The following UAP1L1 variants were observed in gnomAD, a reference collection of about 807,000 sequenced individuals.
UAP1L1 encodes the protein UDP-N-acetylhexosamine pyrophosphorylase-like protein 1.
Under a neutral mutation model 45.3 loss-of-function variants are expected in UAP1L1, and 45 were observed. That is an observed-to-expected ratio of 0.99 (90% CI 0.78 to 1.27). The LOEUF (loss-of-function observed/expected upper bound fraction) is 1.27. Ranked by LOEUF, UAP1L1 falls within the 50% of genes most tolerant of loss-of-function variation. The probability of loss-of-function intolerance (pLI) is 0.00; values close to 1 mark genes in which losing one functional copy is unlikely to be tolerated. For missense variants in UAP1L1, 667 were observed against 694.0 expected (o/e 0.96, Z 0.44); for synonymous variants, 323 against 303.9 (o/e 1.06, Z -0.65).
At chr9:137,081,468 C>T (rs1251702276) in intron 7 of UAP1L1, among the ~76,000 whole-genome samples, 4 of 152,000 alleles carry the variant, frequency 2.6e-5, no homozygotes, top group Non-Finnish European at 5.9e-5. Context: ...GCCTCGGCCT[C>T]GCAAAGTGCT....
In UAP1L1 at chr9:137,082,746, C is replaced by A; in HGVS notation, c.*17C>A. On this transcript the variant is annotated 3_prime_UTR_variant, in exon 9 of 9. Transcript: ENST00000409858. This position sits in a 1 kb window ranked among gnomAD's most constrained non-coding sequence, Gnocchi z 5.7. ...GAGTCCTGACCCGCCCAGACTGTCC[C>A]CAGACTCCCCCGAGACCTGCCAGCC... 1 of 1,539,296 alleles carries A rather than the reference C, an allele frequency of 6.5e-7. No individual in the cohort carries two copies. The highest frequency in any genetic ancestry group is 2.2e-4 in the Middle Eastern group (1 of 4,590).
chr9:137,081,535 T>C (rs1393099328), intron 7 of UAP1L1, among the ~76,000 whole-genome samples: 2 of 152,110 alleles, frequency 1.3e-5, no homozygotes, highest in Non-Finnish European at 1.5e-5. Context: ...ATTTTTCTTA[T>C]TTGTATACAT....
chr9:137,080,406 G>A, intron 6 of UAP1L1: 1 of 591,784 alleles, frequency 1.7e-6, no homozygotes, highest in East Asian at 2.9e-5. Context: ...CCATGGTTAG[G>A]AGAGGTCTCC....
At position 137,082,964 on chromosome 9, in the gene UAP1L1, G is replaced by C. The variant is rs1832815557; in HGVS notation, c.*235G>C. Reference sequence around the variant, plus strand: ...TCTCCTGTCGCCTCTGGACACAAGTGGCGACAGCCTGCTGGGGGCTCTGTG... The same window carrying C: ...TCTCCTGTCGCCTCTGGACACAAGTCGCGACAGCCTGCTGGGGGCTCTGTG... On this transcript the variant is annotated 3_prime_UTR_variant, in exon 9 of 9. Transcript: ENST00000409858. The surrounding 1 kb of genome is among the most constrained non-coding windows in gnomAD (Gnocchi z 5.7). 7.7e-6 allele frequency: 4 copies of C among 517,050 alleles called. No homozygotes were observed. In the South Asian group the frequency reaches 9.3e-5, roughly 12 times the overall value. 32.0% of individuals were successfully genotyped at this position (517,050 alleles called of 1,614,324 possible). A position where few individuals can be genotyped will look rare whatever the true frequency, so the allele number is the denominator to read the frequency against.
rs1181746627 is a variant in UAP1L1 at position 137,080,867 on chromosome 9, C to T, written c.1357C>T (p.Leu453=). The T allele has an allele frequency of 9.4e-6, 15 of 1,595,068 alleles. No homozygotes were observed. The Admixed American group carries it at 1.0e-4, about 11-fold the overall frequency. The change falls in exon 7 of 9, where the codon CTG becomes TTG. Residue 453 remains leucine, a synonymous_variant. Coordinates refer to ENST00000409858, the MANE Select transcript of UAP1L1 (RefSeq NM_207309.3). ...TGCCCATGGGGCCTGGCTCCCAGAG[C>T]TGCCCAGGTGAGTGTGGCCCTGGGG... ...LDAHGAWLPE[L]PSLPPNGDPP...
Position 137,078,638 on chromosome 9 carries a change from G to A in UAP1L1, c.631G>A (p.Val211Ile). Residue 211 changes from valine (V) to isoleucine (I), a missense_variant, in exon 3 of 9, where the codon GTT becomes ATT. Val to Ile is a conservative substitution (Grantham distance 29). Coordinates refer to ENST00000409858, the MANE Select transcript of UAP1L1 (RefSeq NM_207309.3). ...GCCTGCTGTGACCTTTGATGGCAAG[G>A]TTATCCTGGAGCGGAAAGACAAAGT... ...LLPAVTFDGK[V>I]ILERKDKVAM... The A allele has an allele frequency of 6.2e-7, 1 of 1,612,970 alleles. No homozygotes were observed. Among genetic ancestry groups the A allele is most frequent in the Non-Finnish European group, 8.5e-7 (1 of 1,179,932 alleles).
Position 137,078,159 on chromosome 9 carries a change from C to T in UAP1L1, c.399C>T (p.Pro133=), listed in dbSNP as rs1389702143. ...YPKGMYRVGL[P]SRKTLYQLQA... is the part of the protein sequence containing the mutation. ...AGGGTATGTACCGTGTGGGGCTGCC[C>T]AGCCGGAAGACCCTGTACCAGCTGC... Residue 133 remains proline (P), a synonymous_variant, in exon 2 of 9, where the codon CCC becomes CCT. Coordinates refer to ENST00000409858, the MANE Select transcript of UAP1L1 (RefSeq NM_207309.3). 1.9e-6 allele frequency: 3 copies of T among 1,550,086 alleles called. No individual in the cohort carries two copies. In the East Asian group the frequency reaches 7.3e-5, roughly 38 times the overall value.
intron 1 of UAP1L1, 31 bp from the exon 2 acceptor site, chr9:137,078,019 G>C: frequency 1.3e-6 from 2 of 1,543,702 alleles, no homozygotes; most frequent in Non-Finnish European, 1.7e-6. Context: ...GGCGGGTCCC[G>C]GGCGTCCCTT....
In UAP1L1 at chr9:137,082,116, A is replaced by G. The variant is rs886459567; in HGVS notation, c.1431+52A>G. ...GCTTTTCTGGTGTCAGGTTTGGAAT[A>G]CCATCTGGGGAGAGGTGGCTGCTCG... On this transcript the variant is annotated intron_variant, in intron 8 of 8. Transcript: ENST00000409858. This position sits in a 1 kb window ranked among gnomAD's most constrained non-coding sequence, Gnocchi z 5.7. The G allele has an allele frequency of 5.1e-6, 8 of 1,579,780 alleles. No individual in the cohort carries two copies. The highest frequency in any genetic ancestry group is 7.0e-6 in the Non-Finnish European group (8 of 1,148,880).
rs1486893523 is a variant in UAP1L1, at chr9:137,078,684, C to G, written c.670+7C>G. 8 of 1,608,440 alleles carry G rather than the reference C, an allele frequency of 5.0e-6. No homozygotes were observed. The highest frequency in any genetic ancestry group is 6.8e-6 in the Non-Finnish European group (8 of 1,176,968). On this transcript the variant is annotated splice_region_variant and intron_variant, in intron 3 of 8. Coordinates refer to ENST00000409858, the MANE Select transcript of UAP1L1 (RefSeq NM_207309.3). ...AAAGTTGCCATGGCCCCAGGTGTGG[C>G]CCGTTCCTGAGACGGGGAGGGACCG...
intron 6 of UAP1L1, 23 bp from the exon 7 acceptor site, chr9:137,080,666 G>A: frequency 6.3e-7 from 1 of 1,594,028 alleles, no homozygotes; most frequent in South Asian, 1.1e-5. Flanking sequence ...TGGGACGTGG[G>A]TGACTAGCCC....
chr9:137,082,009 A>T lies in UAP1L1; in HGVS notation c.1376A>T (p.Asn459Ile), dbSNP rs1832794639. 1.2e-6 allele frequency: 2 copies of T among 1,613,842 alleles called. No homozygotes were observed. The highest frequency in any genetic ancestry group is 2.7e-5 in the African/African-American group (2 of 74,884). Reference protein sequence around the residue: ...WLPELPSLPPNGDPPAICEIS... With the variant: ...WLPELPSLPPIGDPPAICEIS... ...TGGACTTTCCCTAGCTTGCCCCCAA[A>T]TGGAGACCCTCCGGCCATCTGTGAG... Residue 459 changes from asparagine to isoleucine, a missense_variant, in exon 8 of 9, where the codon AAT (asparagine) becomes ATT (isoleucine). Coordinates refer to ENST00000409858, the MANE Select transcript of UAP1L1 (RefSeq NM_207309.3). The surrounding 1 kb of genome is among the most constrained non-coding windows in gnomAD (Gnocchi z 5.7).
At position 137,077,558 on chromosome 9, in the gene UAP1L1, C is replaced by A; in HGVS notation, c.26C>A (p.Ala9Asp). 1 of 1,394,124 alleles carries A rather than the reference C, an allele frequency of 7.2e-7. No individual in the cohort carries two copies. The highest frequency in any genetic ancestry group is 9.4e-7 in the Non-Finnish European group (1 of 1,067,200). 86.4% of individuals were successfully genotyped at this position (1,394,124 alleles called of 1,614,324 possible). ...ATGGCTTCGGAGCAGGACGTGCGCG[C>A]CCGGCTGCAGCGCGCTGGCCAGGAG... is the stretch of plus-strand genomic sequence containing the variant. MASEQDVR[A>D]RLQRAGQEHL... The change falls in exon 1 of 9, where the codon GCC (alanine) becomes GAC (aspartate). Residue 9 changes from alanine (A) to aspartate (D), a missense_variant. Ala to Asp is a moderately radical substitution (Grantham distance 126). Coordinates refer to ENST00000409858, the MANE Select transcript of UAP1L1 (RefSeq NM_207309.3). This position sits in a 1 kb window ranked among gnomAD's most constrained non-coding sequence, Gnocchi z 4.7.
In UAP1L1 at chr9:137,082,161, T is replaced by A; in HGVS notation, c.1431+97T>A. The stretch of plus-strand genomic sequence containing the variant: ...TGCTCGGGTGGAGACGGCACAGCTC[T>A]ACCTCGGTTAACCAATGGGGTCGGT... On this transcript the variant is annotated intron_variant, in intron 8 of 8. Transcript: ENST00000409858. The surrounding 1 kb of genome is among the most constrained non-coding windows in gnomAD (Gnocchi z 5.7). 1 of 1,188,236 alleles carries A rather than the reference T, an allele frequency of 8.4e-7. No homozygotes were observed. The highest frequency in any genetic ancestry group is 1.3e-6 in the Non-Finnish European group (1 of 793,250). The allele number at this position is 1,188,236 out of a possible 1,614,324, so 73.6% of individuals were successfully genotyped here. A position where few individuals can be genotyped will look rare whatever the true frequency, so the allele number is the denominator to read the frequency against.
In UAP1L1 at chr9:137,082,818, C is replaced by T. The variant is rs556828344; in HGVS notation, c.*89C>T. 362 of 1,115,060 alleles carry T rather than the reference C, an allele frequency of 3.2e-4. 1 individual carries two copies. In the African/African-American group the frequency reaches 4.8e-3, roughly 15 times the overall value. 69.1% of individuals were successfully genotyped at this position (1,115,060 alleles called of 1,614,324 possible). A position where few individuals can be genotyped will look rare whatever the true frequency, so the allele number is the denominator to read the frequency against. ...CTCCCCCCAGACCTGCCAGCCCCGGCGTCCTGGAGCTGGGGGCTACAGCCC... is the reference window on the plus strand; with the variant it reads ...CTCCCCCCAGACCTGCCAGCCCCGGTGTCCTGGAGCTGGGGGCTACAGCCC... On this transcript the variant is annotated 3_prime_UTR_variant, in exon 9 of 9. Transcript: ENST00000409858. This position sits in a 1 kb window ranked among gnomAD's most constrained non-coding sequence, Gnocchi z 5.7.
chr9:137,084,192 G>A lies in UAP1L1; in HGVS notation c.*1463G>A, dbSNP rs978803559. On this transcript the variant is annotated 3_prime_UTR_variant, in exon 9 of 9. Coordinates refer to ENST00000409858, the MANE Select transcript of UAP1L1 (RefSeq NM_207309.3). ...ACACAAGCACAGTTAGTTGGGTGAAGTCTTTTTTTTTGTTTGTTTTAGACG... is the reference window on the plus strand; with the variant it reads ...ACACAAGCACAGTTAGTTGGGTGAAATCTTTTTTTTTGTTTGTTTTAGACG... The A allele has an allele frequency of 5.3e-5, 8 of 152,232 alleles. No homozygotes were observed. The highest frequency in any genetic ancestry group is 1.9e-4 in the African/African-American group (8 of 41,448). 9.4% of individuals were successfully genotyped at this position (152,232 alleles called of 1,614,324 possible). A position where few individuals can be genotyped will look rare whatever the true frequency, so the allele number is the denominator to read the frequency against.
Position 137,077,960 on chromosome 9 carries a change from G to C in UAP1L1, c.290-90G>C. The C allele has an allele frequency of 6.5e-7, 1 of 1,530,524 alleles. No homozygotes were observed. Among genetic ancestry groups the C allele is most frequent in the Non-Finnish European group, 8.7e-7 (1 of 1,144,774 alleles). 94.8% of individuals were successfully genotyped at this position (1,530,524 alleles called of 1,614,324 possible). ...TCGCCTCACGCGTTCCGGCCCCCGA[G>C]TCCTGGCGCCCCAGCCCCAGAGTTG... On this transcript the variant is annotated intron_variant, in intron 1 of 8. Coordinates refer to ENST00000409858, the MANE Select transcript of UAP1L1 (RefSeq NM_207309.3). The surrounding 1 kb of genome is among the most constrained non-coding windows in gnomAD (Gnocchi z 4.7).
chr9:137,080,146 A>G lies in UAP1L1; in HGVS notation c.1178+4A>G, dbSNP rs150482160. The G allele has an allele frequency of 1.9e-6, 3 of 1,614,058 alleles. No homozygotes were observed. The highest frequency in any genetic ancestry group is 2.7e-5 in the African/African-American group (2 of 75,064). ...TTGATGTGTTCCGGTTTGCTAAGTTAGTAGTAGAACTCATTTATTTTCCCC... is the reference window on the plus strand; with the variant it reads ...TTGATGTGTTCCGGTTTGCTAAGTTGGTAGTAGAACTCATTTATTTTCCCC... On this transcript the variant is annotated splice_donor_region_variant and intron_variant, in intron 6 of 8. Coordinates refer to ENST00000409858, the MANE Select transcript of UAP1L1 (RefSeq NM_207309.3).
intron 2 of UAP1L1, 116 bp downstream of exon 2, chr9:137,078,370 G>T (rs770132254): frequency 2.5e-6 from 4 of 1,569,118 alleles, no homozygotes; most frequent in Non-Finnish European, 3.5e-6. Flanking sequence ...CCCAGAACCG[G>T]CCCAAAATGG....
Sources: allele counts gnomAD v4.1 joint callset (sites outside exome capture counted in the v4.1 genomes callset), GRCh38; gene constraint gnomAD v4.1.1; non-coding constraint Gnocchi (gnomAD v3.1); transcripts MANE v1.5; gene names NCBI Gene and HGNC (gene_info 2026-07-23, HGNC 2026-07-21).